The following ATP6V1A variants were observed in gnomAD, a reference collection of about 807,000 sequenced individuals.
The protein encoded by ATP6V1A is V-type proton ATPase catalytic subunit A.
ATP6V1A carries 18 observed loss-of-function variants against 70.1 expected under a neutral mutation model. That is an observed-to-expected ratio of 0.26 (90% confidence interval 0.18 to 0.38). The LOEUF is 0.38. Among genes scored for constraint, ATP6V1A ranks in the 10% least tolerant of loss-of-function variants. ATP6V1A has a pLI of 1.00. For synonymous variants in ATP6V1A, 232 were observed against 253.8 expected (o/e 0.91, Z 0.82); for missense variants, 424 against 772.4 (o/e 0.55, Z 5.35).
At chr3:113,789,623 G>T in intron 7 of ATP6V1A, 109 bp from the exon 8 acceptor site, 2 of 696,488 alleles carry the variant, frequency 2.9e-6, no homozygotes, top group Admixed American at 2.6e-5. Flanking sequence ...AACACTGATT[G>T]TAAGAGGCAT....
intron 12 of ATP6V1A, 44 bp from the exon 13 acceptor site, chr3:113,803,539 T>C (rs752651932): frequency 7.1e-7 from 1 of 1,415,732 alleles, no homozygotes; most frequent in African/African-American, 1.4e-5. Context: ...CCATCAATCT[T>C]ACATTTTAGA....
At position 113,811,964 on chromosome 3, in the gene ATP6V1A, G is replaced by C. The variant is rs1709346083; in HGVS notation, c.*2537G>C. ...ACGAATAGAAGAGGCCATATATATT[G>C]CCTCCTTATCCTTGAGATTTCACTA... On this transcript the variant is annotated 3_prime_UTR_variant, in exon 15 of 15. Coordinates refer to ENST00000273398, the MANE Select transcript of ATP6V1A (RefSeq NM_001690.4). 1 of 152,390 alleles carries C rather than the reference G, an allele frequency of 6.6e-6. No homozygotes were observed. The highest frequency in any genetic ancestry group is 2.4e-5 in the African/African-American group (1 of 41,340). 9.4% of individuals were successfully genotyped at this position (152,390 alleles called of 1,614,324 possible).
At chr3:113,794,804 A>C (rs1709136270) in intron 8 of ATP6V1A, 68 bp from the exon 9 acceptor site, 1 of 1,522,280 alleles carries the variant, frequency 6.6e-7, no homozygotes, top group Admixed American at 2.0e-5. Flanking sequence ...GGTTTTCTTA[A>C]GGGTGGAAAA....
At chr3:113,797,313 C>T (rs374698614) in intron 11 of ATP6V1A, among the ~76,000 whole-genome samples, 28 of 150,648 alleles carry the variant, frequency 1.9e-4, no homozygotes, top group South Asian at 8.4e-4. Context: ...AGTGCAGTGG[C>T]GTGATCTCAG....
intron 1 of ATP6V1A, among the ~76,000 whole-genome samples, chr3:113,771,086 C>G (rs1708834331): frequency 6.7e-6 from 1 of 148,340 alleles, no homozygotes; most frequent in Admixed American, 6.7e-5. Context: ...CAGAGGGAGA[C>G]TCCATCAAAA....
intron 8 of ATP6V1A, among the ~76,000 whole-genome samples, chr3:113,790,780 T>G (rs1297575342): frequency 6.6e-6 from 1 of 152,238 alleles, no homozygotes; most frequent in Admixed American, 6.5e-5. Flanking sequence ...ATGGCAACTG[T>G]GTTCTCTGAA....
intron 1 of ATP6V1A, among the ~76,000 whole-genome samples, chr3:113,751,700 A>G (rs1708588292): frequency 6.6e-6 from 1 of 151,114 alleles, no homozygotes; most frequent in Non-Finnish European, 1.5e-5. Flanking sequence ...TATACTATAT[A>G]TAGAGTAAAT....
At chr3:113,803,751 A>C (rs1709246412) in intron 13 of ATP6V1A, 74 bp downstream of exon 13, 2 of 1,168,670 alleles carry the variant, frequency 1.7e-6, no homozygotes, top group African/African-American at 1.6e-5. Flanking sequence ...CACATTAAAA[A>C]CCCTTTTTTA....
chr3:113,792,171 G>A (rs1709102040), intron 8 of ATP6V1A, among the ~76,000 whole-genome samples: 1 of 152,076 alleles, frequency 6.6e-6, no homozygotes, highest in South Asian at 2.1e-4. Context: ...TCTTTTAAAT[G>A]GCTGCACAGT....
intron 1 of ATP6V1A, among the ~76,000 whole-genome samples, chr3:113,775,609 G>T (rs1180970752): frequency 6.6e-6 from 1 of 152,186 alleles, no homozygotes; most frequent in East Asian, 1.9e-4. Flanking sequence ...TTTTTCAAAT[G>T]CAGATATTAA....
chr3:113,793,151 C>T (rs1050709683), intron 8 of ATP6V1A, among the ~76,000 whole-genome samples: 6 of 152,120 alleles, frequency 3.9e-5, no homozygotes, highest in Non-Finnish European at 8.8e-5. Flanking sequence ...CCTCTGCCTC[C>T]TGGATTCAAG....
chr3:113,795,768 A>T, intron 10 of ATP6V1A, 108 bp from the exon 11 acceptor site: 1 of 825,744 alleles, frequency 1.2e-6, no homozygotes, highest in Non-Finnish European at 1.9e-6. Context: ...AAAGTTATTT[A>T]CATTAAAATC....
chr3:113,768,077 C>T (rs1708793789), intron 1 of ATP6V1A, among the ~76,000 whole-genome samples: 1 of 152,200 alleles, frequency 6.6e-6, no homozygotes, highest in African/African-American at 2.4e-5. Context: ...GTTTTATCTT[C>T]ACTATTTCTT....
chr3:113,781,015 C>A, intron 2 of ATP6V1A, 35 bp from the exon 3 acceptor site: 1 of 1,571,924 alleles, frequency 6.4e-7, no homozygotes, highest in Non-Finnish European at 8.6e-7. Context: ...GCACTAGAGT[C>A]TTAAGTCATC....
chr3:113,768,506 A>C (rs79668693), intron 1 of ATP6V1A, among the ~76,000 whole-genome samples: 4,925 of 151,720 alleles, frequency 0.032, 109 homozygotes, highest in Middle Eastern at 0.1. Context: ...AGCTCCCTCA[A>C]GGTCCTAATA....
intron 1 of ATP6V1A, among the ~76,000 whole-genome samples, chr3:113,755,017 A>C (rs1352451255): frequency 6.6e-6 from 1 of 152,078 alleles, no homozygotes. Flanking sequence ...TATTAATTGC[A>C]TATATGTGCT....
Position 113,811,383 on chromosome 3 carries a change from T to G in ATP6V1A, c.*1956T>G, listed in dbSNP as rs1272932530. The G allele has an allele frequency of 2.6e-5, 4 of 152,632 alleles. No homozygotes were observed. Among genetic ancestry groups the G allele is most frequent in the Non-Finnish European group, 5.9e-5 (4 of 68,034 alleles). The allele number at this position is 152,632 out of a possible 1,614,324, so 9.5% of individuals were successfully genotyped here. On this transcript the variant is annotated 3_prime_UTR_variant, in exon 15 of 15. Transcript: ENST00000273398. Reference sequence around the variant, plus strand: ...TTCTTCTATACAACTTGTTTTAACCTTTGAGAACATTGACAGAAATTATGC... The same window carrying G: ...TTCTTCTATACAACTTGTTTTAACCGTTGAGAACATTGACAGAAATTATGC...
intron 1 of ATP6V1A, among the ~76,000 whole-genome samples, chr3:113,773,813 T>G (rs187861311): frequency 3.9e-4 from 60 of 152,308 alleles, no homozygotes; most frequent in Admixed American, 7.2e-4. Flanking sequence ...CTAGGTTAGA[T>G]GCCATTGCTT....
intron 1 of ATP6V1A, among the ~76,000 whole-genome samples, chr3:113,750,942 T>C (rs1708579155): frequency 6.6e-6 from 1 of 152,200 alleles, no homozygotes; most frequent in African/African-American, 2.4e-5. Context: ...ACAGATTTAT[T>C]AATTTTATCT....
Sources: gnomAD v4.1 joint callset for allele counts (sites outside exome capture counted in the v4.1 genomes callset) on GRCh38, gnomAD v4.1.1 for gene constraint, MANE v1.5 for transcripts, NCBI Gene and HGNC (gene_info 2026-07-23, HGNC 2026-07-21) for gene names.